The following MIF4GD variants were observed in gnomAD, a reference collection of about 807,000 sequenced individuals.
The protein encoded by MIF4GD is MIF4G domain-containing protein.
A neutral mutation model predicts 26.7 loss-of-function variants in MIF4GD; 22 were observed. That is an observed-to-expected ratio of 0.82 (90% CI 0.59 to 1.18). MIF4GD has a LOEUF of 1.18. MIF4GD is among the 50% of genes most tolerant of loss of function. MIF4GD has a pLI of 0.00. For missense variants in MIF4GD, 262 were observed against 279.6 expected, an observed-to-expected ratio of 0.94 and a Z score of 0.45; for synonymous variants, 137 against 111.6, an observed-to-expected ratio of 1.23 and a Z score of -1.43.
In MIF4GD at chr17:75,266,617, A is replaced by G; in HGVS notation, c.*123T>C. ...ATCTCACCAGGAGATGGGAAAGTCTAGAAGGGAAGACACTCAAAGTCTGGA... is the reference window on the plus strand; with the variant it reads ...ATCTCACCAGGAGATGGGAAAGTCTGGAAGGGAAGACACTCAAAGTCTGGA... On this transcript the variant is annotated 3_prime_UTR_variant, in exon 6 of 6. Transcript: ENST00000325102. 1.1e-6 allele frequency: 1 copy of G among 885,588 alleles called. No homozygotes were observed. Among genetic ancestry groups the G allele is most frequent in the Non-Finnish European group, 1.8e-6 (1 of 551,036 alleles). 54.9% of individuals were successfully genotyped at this position (885,588 alleles called of 1,614,324 possible).
At position 75,270,484 on chromosome 17, in the gene MIF4GD, G is replaced by C; in HGVS notation, c.-50-239C>G. On this transcript the variant is annotated intron_variant, in intron 1 of 5. Coordinates refer to ENST00000325102, the MANE Select transcript of MIF4GD (RefSeq NM_001370592.1). The surrounding 1 kb of genome is among the most constrained non-coding windows in gnomAD (Gnocchi z 5.7). Reference sequence around the variant, plus strand: ...TTGTGGGATTACACAAGAGCGAGAAGCTGAAGCAGGAAAGCGCCCACCCTC... The same window carrying C: ...TTGTGGGATTACACAAGAGCGAGAACCTGAAGCAGGAAAGCGCCCACCCTC... 1 of 365,880 alleles carries C rather than the reference G, an allele frequency of 2.7e-6. No homozygotes were observed. Among genetic ancestry groups the C allele is most frequent in the Non-Finnish European group, 5.1e-6 (1 of 195,454 alleles). The allele number at this position is 365,880 out of a possible 1,614,324, so 22.7% of individuals were successfully genotyped here. A position where few individuals can be genotyped will look rare whatever the true frequency, so the allele number is the denominator to read the frequency against.
chr17:75,267,645 A>AG lies in MIF4GD; in HGVS notation c.349-16dup. The AG allele has an allele frequency of 1.2e-6, 2 of 1,614,096 alleles. No individual in the cohort carries two copies. Among genetic ancestry groups the AG allele is most frequent in the Non-Finnish European group, 1.7e-6 (2 of 1,179,960 alleles). On this transcript the variant is annotated splice_polypyrimidine_tract_variant and intron_variant, in intron 4 of 5. Transcript: ENST00000325102. ...ATGTTGTTCACCTGTGAGGAAGAGG[A>AG]GGGGTCAGAGCACCAGGCTTAGTGG... is the stretch of plus-strand genomic sequence containing the variant.
At position 75,267,608 on chromosome 17, in the gene MIF4GD, G is replaced by A. The variant is rs761572131; in HGVS notation, c.371C>T (p.Ala124Val). 1.2e-6 allele frequency: 2 copies of A among 1,614,204 alleles called. No individual in the cohort carries two copies. Among genetic ancestry groups the A allele is most frequent in the South Asian group, 1.1e-5 (1 of 91,086 alleles). Reference sequence around the variant, plus strand: ...GCAGTCATAGACAGGGTTCACCAGGGCCATCATGGGCATGTTGTTCACCTG... The same window carrying A: ...GCAGTCATAGACAGGGTTCACCAGGACCATCATGGGCATGTTGTTCACCTG... ...YLRVNNMPMM[A>V]LVNPVYDCLF... The change falls in exon 5 of 6, where the codon GCC becomes GTC. Residue 124 changes from alanine to valine, a missense_variant. Physicochemically the swap from Ala to Val is moderately conservative, Grantham distance 64. Coordinates refer to ENST00000325102, the MANE Select transcript of MIF4GD (RefSeq NM_001370592.1).
Position 75,266,707 on chromosome 17 carries a change from C to T in MIF4GD, c.*33G>A. The T allele has an allele frequency of 6.3e-7, 1 of 1,593,920 alleles. No homozygotes were observed. The highest frequency in any genetic ancestry group is 8.6e-7 in the Non-Finnish European group (1 of 1,161,724). ...GCTTTAGAGGTGGGTAGAAGAAAGG[C>T]CAGTGCTGGTGAGGAAGCCCTGATC... On this transcript the variant is annotated 3_prime_UTR_variant, in exon 6 of 6. Transcript: ENST00000325102.
At chr17:75,268,686 A>T (rs1567823919) in intron 2 of MIF4GD, among the ~76,000 whole-genome samples, 1 of 149,990 alleles carries the variant, frequency 6.7e-6, no homozygotes, top group Non-Finnish European at 1.5e-5. Flanking sequence ...AAAAAAAAAA[A>T]AAGAAAAAAA....
intron 3 of MIF4GD, 74 bp from the exon 4 acceptor site, chr17:75,267,975 C>A: frequency 6.2e-7 from 1 of 1,600,626 alleles, no homozygotes; most frequent in Non-Finnish European, 8.5e-7. Flanking sequence ...ATGCCTCTCT[C>A]TCTCTTTGAG....
At chr17:75,269,380 G>A in intron 2 of MIF4GD, 1 of 1,614,110 alleles carries the variant, frequency 6.2e-7, no homozygotes, top group Non-Finnish European at 8.5e-7. Context: ...GAAGGCATCA[G>A]GCGAGAGCAA....
In MIF4GD at chr17:75,270,228, TG is replaced by T; in HGVS notation, c.-34del. 6.3e-7 allele frequency: 1 copy of T among 1,580,340 alleles called. No homozygotes were observed. Among genetic ancestry groups the T allele is most frequent in the Non-Finnish European group, 8.7e-7 (1 of 1,149,684 alleles). On this transcript the variant is annotated 5_prime_UTR_variant, in exon 2 of 6. Coordinates refer to ENST00000325102, the MANE Select transcript of MIF4GD (RefSeq NM_001370592.1). The surrounding 1 kb of genome is among the most constrained non-coding windows in gnomAD (Gnocchi z 5.7). ...CAGCCCCGGTAGCTCTTGACTGGGC[TG>T]GGAATAAGGACAGCACCTGAGGAGA...
Position 75,270,327 on chromosome 17 carries a change from C to CGGCGCA in MIF4GD, c.-50-83_-50-82insTGCGCC. The CGGCGCA allele has an allele frequency of 2.6e-6, 2 of 764,016 alleles. No individual in the cohort carries two copies. 47.3% of individuals were successfully genotyped at this position (764,016 alleles called of 1,614,324 possible). ...TCCTGCAGGCCCTGGACGGGGCTGA[C>CGGCGCA]GGCGCGCTCGGGACAGGGACTCCTG... On this transcript the variant is annotated intron_variant, in intron 1 of 5. Transcript: ENST00000325102. This position sits in a 1 kb window ranked among gnomAD's most constrained non-coding sequence, Gnocchi z 5.7.
rs2077693227 is a variant in MIF4GD at position 75,270,474 on chromosome 17, A to G, written c.-50-229T>C. 2.5e-6 allele frequency: 1 copy of G among 393,998 alleles called. No homozygotes were observed. The highest frequency in any genetic ancestry group is 4.7e-6 in the Non-Finnish European group (1 of 212,340). The allele number at this position is 393,998 out of a possible 1,614,324, so 24.4% of individuals were successfully genotyped here. On this transcript the variant is annotated intron_variant, in intron 1 of 5. Coordinates refer to ENST00000325102, the MANE Select transcript of MIF4GD (RefSeq NM_001370592.1). This position sits in a 1 kb window ranked among gnomAD's most constrained non-coding sequence, Gnocchi z 5.7. Reference sequence around the variant, plus strand: ...AATCCCTCGCTTGTGGGATTACACAAGAGCGAGAAGCTGAAGCAGGAAAGC... The same window carrying G: ...AATCCCTCGCTTGTGGGATTACACAGGAGCGAGAAGCTGAAGCAGGAAAGC...
intron 2 of MIF4GD, chr17:75,269,266 CAA>C: frequency 1.3e-6 from 2 of 1,536,994 alleles, no homozygotes; most frequent in East Asian, 2.3e-5. Flanking sequence ...AAACCCCCAA[CAA>C]GAGAGGGCCA....
At position 75,270,122 on chromosome 17, in the gene MIF4GD, G is replaced by A. The variant is rs1191216397; in HGVS notation, c.74C>T (p.Ala25Val). Residue 25 changes from alanine (A) to valine (V), a missense_variant, in exon 2 of 6, where the codon GCA becomes GTA. By Grantham distance (64) the Ala-to-Val change is moderately conservative. Coordinates refer to ENST00000325102, the MANE Select transcript of MIF4GD (RefSeq NM_001370592.1). The surrounding 1 kb of genome is among the most constrained non-coding windows in gnomAD (Gnocchi z 5.7). ...DAETQQLLKT[A>V]LKDPGAVDLE... Reference sequence around the variant, plus strand: ...AGGGGTCCCGTGCTCACCTTTGAGTGCTGTCTTCAGCAGCTGCTGGGTCTC... The same window carrying A: ...AGGGGTCCCGTGCTCACCTTTGAGTACTGTCTTCAGCAGCTGCTGGGTCTC... The A allele has an allele frequency of 6.8e-6, 11 of 1,613,928 alleles. No individual in the cohort carries two copies. The highest frequency in any genetic ancestry group is 1.7e-5 in the Admixed American group (1 of 60,018).
intron 5 of MIF4GD, among the ~76,000 whole-genome samples, chr17:75,267,181 G>GACTCCAAACCACT (rs1359919195): frequency 3.3e-5 from 2 of 60,310 alleles, no homozygotes; most frequent in South Asian, 7.7e-4. Flanking sequence ...ACTCAAGCCT[G>GACTCCAAACCACT]TCTCCAAACC....
chr17:75,267,254 G>A lies in MIF4GD; in HGVS notation c.441+284C>T, dbSNP rs148151253. Among the ~76,000 whole-genome samples the A allele has an allele frequency of 1.8e-4, 28 of 152,258 alleles. No homozygotes were observed. In the East Asian group the frequency reaches 5.0e-3, roughly 27 times the overall value. The stretch of plus-strand genomic sequence containing the variant: ...CTGACCCTGGTTTGGCTTTGGGGCC[G>A]TCTGTACCCACAGCTAGCCATGGCT... On this transcript the variant is annotated intron_variant, in intron 5 of 5. Transcript: ENST00000325102.
intron 5 of MIF4GD, among the ~76,000 whole-genome samples, chr17:75,267,253 C>T (rs896639053): frequency 5.3e-5 from 8 of 152,164 alleles, no homozygotes; most frequent in African/African-American, 1.7e-4. Flanking sequence ...GCTTTGGGGC[C>T]GTCTGTACCC....
Position 75,266,824 on chromosome 17 carries a change from C to A in MIF4GD, c.585G>T (p.Leu195=), listed in dbSNP as rs567359960. 7 of 1,614,118 alleles carry A rather than the reference C, an allele frequency of 4.3e-6. No homozygotes were observed. The highest frequency in any genetic ancestry group is 5.9e-6 in the Non-Finnish European group (7 of 1,180,056). ...TGLSSLAQLL[L]LEIIEFRAAG... ...CCGCCCGGAACTCAATGATCTCCAGCAGCAGCAGCTGGGCCAGGGAGCTGA... is the reference window on the plus strand; with the variant it reads ...CCGCCCGGAACTCAATGATCTCCAGAAGCAGCAGCTGGGCCAGGGAGCTGA... The change falls in exon 6 of 6, where the codon CTG becomes CTT. Residue 195 remains leucine, a synonymous_variant. Coordinates refer to ENST00000325102, the MANE Select transcript of MIF4GD (RefSeq NM_001370592.1).
At chr17:75,269,377 T>A (rs140955739) in intron 2 of MIF4GD, 1 of 1,613,974 alleles carries the variant, frequency 6.2e-7, no homozygotes, top group African/African-American at 1.3e-5. Context: ...CGGGAAGGCA[T>A]CAGGCGAGAG....
chr17:75,267,865 G>A lies in MIF4GD; in HGVS notation c.229C>T (p.Arg77Cys), dbSNP rs2077557744. 11 of 1,613,748 alleles carry A rather than the reference G, an allele frequency of 6.8e-6. No homozygotes were observed. The highest frequency in any genetic ancestry group is 9.3e-6 in the Non-Finnish European group (11 of 1,179,954). ...TGCTGCAGCCGGTTGAGGAGTCCACGTCGGAAGACACTCTGGCCTGCTTGT... is the reference window on the plus strand; with the variant it reads ...TGCTGCAGCCGGTTGAGGAGTCCACATCGGAAGACACTCTGGCCTGCTTGT... ...SKQAGQSVFR[R>C]GLLNRLQQEY... The change falls in exon 4 of 6, where the codon CGT (arginine) becomes TGT (cysteine). Residue 77 changes from arginine to cysteine, a missense_variant. Arg to Cys is a radical substitution (Grantham distance 180, BLOSUM62 -3). Transcript: ENST00000325102.
At chr17:75,267,997 G>T in intron 3 of MIF4GD, 86 bp downstream of exon 3, 8 of 1,603,754 alleles carry the variant, frequency 5.0e-6, no homozygotes, top group Non-Finnish European at 6.8e-6. Context: ...TAGACCCTGT[G>T]CATCTCTGTC....
Sources: gnomAD v4.1 joint callset for allele counts (sites outside exome capture counted in the v4.1 genomes callset) on GRCh38, gnomAD v4.1.1 for gene constraint, Gnocchi (gnomAD v3.1) non-coding constraint, MANE v1.5 for transcripts, NCBI Gene and HGNC (gene_info 2026-07-23, HGNC 2026-07-21) for gene names.